Variants in SPATA21 observed in about 807,000 individuals in gnomAD.
SPATA21 encodes spermatogenesis associated 21.
A neutral mutation model predicts 54.8 loss-of-function variants in SPATA21; 47 were observed. The ratio of observed to expected loss-of-function variants is 0.86; its 90% CI spans 0.68 to 1.09. The LOEUF (loss-of-function observed/expected upper bound fraction) is 1.09, where lower values mean the gene tolerates loss of function less well. SPATA21 is among the 50% of genes least tolerant of loss of function. SPATA21 has a pLI of 0.00. For synonymous variants in SPATA21, 245 were observed against 235.3 expected, an observed-to-expected ratio of 1.04 and a Z score of -0.38; for missense variants, 599 against 596.4, an observed-to-expected ratio of 1.00 and a Z score of -0.05.
At chr1:16,405,922 A>G (rs1360502520) in intron 7 of SPATA21, among the ~76,000 whole-genome samples, 2 of 152,198 alleles carry the variant, frequency 1.3e-5, no homozygotes, top group Non-Finnish European at 2.9e-5. Flanking sequence ...AGGAATAAGC[A>G]TTCTACTCTT....
chr1:16,422,824 A>G (rs1434851096), intron 3 of SPATA21, among the ~76,000 whole-genome samples: 1 of 152,058 alleles, frequency 6.6e-6, no homozygotes, highest in Non-Finnish European at 1.5e-5. Flanking sequence ...GGATTTTCCA[A>G]GGGATACTTC....
chr1:16,400,806 G>A lies in SPATA21; in HGVS notation c.1088C>T (p.Pro363Leu), dbSNP rs1481480816. ...AVGRLRLQKL[P>L]YNPQQEESSE... is the part of the protein sequence containing the mutation. ...GCTCTCTTCTTGCTGGGGGTTGTAG[G>A]GAAGCTTCTGCAACCGCAGCCGGCC... Residue 363 changes from proline to leucine, a missense_variant, in exon 11 of 13, where the codon CCC (proline) becomes CTC (leucine). Physicochemically the swap from Pro to Leu is moderately conservative, Grantham distance 98. Transcript: ENST00000335496. 9 of 1,609,754 alleles carry A rather than the reference G, an allele frequency of 5.6e-6. No individual in the cohort carries two copies. In the Admixed American group the frequency reaches 1.5e-4, roughly 27 times the overall value.
rs1421687502 is a variant in SPATA21, at chr1:16,409,231, G to A, written c.588-28C>T. ...GCAGAGGACAGAACCCCGACCCAGG[G>A]CAACATCCGGCCGCCCACCCTGCTG... On this transcript the variant is annotated intron_variant, in intron 6 of 12. Coordinates refer to ENST00000335496, the MANE Select transcript of SPATA21 (RefSeq NM_198546.1). This position sits in a 1 kb window ranked among gnomAD's most constrained non-coding sequence, Gnocchi z 4.1. The A allele has an allele frequency of 1.9e-6, 3 of 1,612,994 alleles. No individual in the cohort carries two copies. The highest frequency in any genetic ancestry group is 1.3e-5 in the African/African-American group (1 of 75,024).
intron 3 of SPATA21, among the ~76,000 whole-genome samples, chr1:16,424,563 A>C (rs1326462448): frequency 6.6e-6 from 1 of 151,824 alleles, no homozygotes; most frequent in Non-Finnish European, 1.5e-5. Flanking sequence ...GGCCACAGAC[A>C]TGTGCCACCA....
intron 1 of SPATA21, among the ~76,000 whole-genome samples, chr1:16,435,260 C>T (rs942070550): frequency 1.3e-5 from 2 of 152,068 alleles, no homozygotes; most frequent in Non-Finnish European, 2.9e-5. Context: ...TGTTGGACAT[C>T]TTCATGTGCT....
At position 16,403,810 on chromosome 1, in the gene SPATA21, G is replaced by A. The variant is rs1402148414; in HGVS notation, c.918C>T (p.Asn306=). Residue 306 remains asparagine, a synonymous_variant, in exon 10 of 13, where the codon AAC becomes AAT. Transcript: ENST00000335496. The stretch of plus-strand genomic sequence containing the variant: ...GGATCTCAAAGAGTAGAGTGTGGGG[G>A]TTGTGGGGAGCCATGTCCGACAGGG... ...QNALSDMAPH[N]PHTLLFEILS... is the part of the protein sequence containing the mutation. 1 of 1,611,328 alleles carries A rather than the reference G, an allele frequency of 6.2e-7. No individual in the cohort carries two copies. Among genetic ancestry groups the A allele is most frequent in the Non-Finnish European group, 8.5e-7 (1 of 1,178,776 alleles).
In SPATA21 at chr1:16,421,433, G is replaced by A; in HGVS notation, c.144+76C>T. On this transcript the variant is annotated intron_variant, in intron 5 of 12. Transcript: ENST00000335496. This position sits in a 1 kb window ranked among gnomAD's most constrained non-coding sequence, Gnocchi z 5.2. ...GGTTTGACGTGCCACATCCGCTTCT[G>A]CCCTCTTCCTCCTCCTGATCCCCCC... is the stretch of plus-strand genomic sequence containing the variant. 7.1e-7 allele frequency: 1 copy of A among 1,408,830 alleles called. No homozygotes were observed. 87.3% of individuals were successfully genotyped at this position (1,408,830 alleles called of 1,614,324 possible).
At chr1:16,425,802 T>G (rs1179852528) in intron 3 of SPATA21, 1 of 1,374,176 alleles carries the variant, frequency 7.3e-7, no homozygotes, top group Non-Finnish European at 9.9e-7. Flanking sequence ...TTTACAGGGC[T>G]AGGCATACCA....
intron 3 of SPATA21, among the ~76,000 whole-genome samples, chr1:16,422,809 T>C (rs929189932): frequency 2.6e-5 from 4 of 151,958 alleles, no homozygotes; most frequent in Non-Finnish European, 4.4e-5. Flanking sequence ...TGCTCAGCCT[T>C]AATGGGATTT....
Position 16,428,006 on chromosome 1 carries a change from G to T in SPATA21, c.34+3332C>A. ...TTGCTGCCCACTTCCGAAGCATCCG[G>T]AAACATGACCTGGACAGAGATATCC... On this transcript the variant is annotated intron_variant, in intron 3 of 12. Coordinates refer to ENST00000335496, the MANE Select transcript of SPATA21 (RefSeq NM_198546.1). The surrounding 1 kb of genome is among the most constrained non-coding windows in gnomAD (Gnocchi z 4.3). The T allele has an allele frequency of 6.5e-7, 1 of 1,548,946 alleles. No individual in the cohort carries two copies. The highest frequency in any genetic ancestry group is 8.7e-7 in the Non-Finnish European group (1 of 1,145,810).
chr1:16,404,204 T>A (rs2085554857), intron 8 of SPATA21, among the ~76,000 whole-genome samples, 165 bp from the exon 9 acceptor site: 2 of 152,198 alleles, frequency 1.3e-5, no homozygotes, highest in Non-Finnish European at 2.9e-5. Flanking sequence ...CTGAAAGTGC[T>A]CAGACCTGTA....
chr1:16,417,791 A>G (rs2086056846), intron 5 of SPATA21, among the ~76,000 whole-genome samples: 1 of 152,002 alleles, frequency 6.6e-6, no homozygotes, highest in Non-Finnish European at 1.5e-5. Flanking sequence ...GTTGGTCTTG[A>G]ACTACTGACC....
chr1:16,409,098 C>T lies in SPATA21; in HGVS notation c.673+20G>A, dbSNP rs527254439. ...AGGGTCCTGCCTGTGCTGGGACCTCCCTGACCTCCCTGCCCTCACCTTCCT... is the reference window on the plus strand; with the variant it reads ...AGGGTCCTGCCTGTGCTGGGACCTCTCTGACCTCCCTGCCCTCACCTTCCT... On this transcript the variant is annotated intron_variant, in intron 7 of 12. Coordinates refer to ENST00000335496, the MANE Select transcript of SPATA21 (RefSeq NM_198546.1). The surrounding 1 kb of genome is among the most constrained non-coding windows in gnomAD (Gnocchi z 4.1). 6.2e-7 allele frequency: 1 copy of T among 1,613,564 alleles called. No homozygotes were observed. The highest frequency in any genetic ancestry group is 8.5e-7 in the Non-Finnish European group (1 of 1,179,522).
chr1:16,399,396 G>C lies in SPATA21; in HGVS notation c.1300C>G (p.Leu434Val), dbSNP rs2085373289. 6.2e-7 allele frequency: 1 copy of C among 1,613,946 alleles called. No homozygotes were observed. Among genetic ancestry groups the C allele is most frequent in the Non-Finnish European group, 8.5e-7 (1 of 1,180,024 alleles). Residue 434 changes from leucine (L) to valine (V), a missense_variant, in exon 12 of 13, where the codon CTG becomes GTG. Coordinates refer to ENST00000335496, the MANE Select transcript of SPATA21 (RefSeq NM_198546.1). Reference protein sequence around the residue: ...YALDQCTPPGLDPDIRSPFFQ... With the variant: ...YALDQCTPPGVDPDIRSPFFQ... ...AAGGGGCTGCGGATGTCAGGATCCA[G>C]GCCAGGGGGTGTGCACTGGTCTAGT...
chr1:16,413,056 A>G (rs936674971), intron 5 of SPATA21, among the ~76,000 whole-genome samples: 17 of 152,348 alleles, frequency 1.1e-4, no homozygotes, highest in African/African-American at 3.8e-4. Flanking sequence ...TGCTGGGATT[A>G]TAGGCGTGAG....
intron 5 of SPATA21, among the ~76,000 whole-genome samples, chr1:16,419,102 T>C (rs2086099223): frequency 6.6e-6 from 1 of 152,162 alleles, no homozygotes; most frequent in Non-Finnish European, 1.5e-5. Context: ...GACAATGTGA[T>C]AGGCTGAGTG....
At chr1:16,398,496 G>A (rs542879322), downstream of SPATA21, 2 of 469,980 alleles carry the variant, frequency 4.3e-6, no homozygotes, top group Non-Finnish European at 3.9e-6. Flanking sequence ...CTTTGAGAAG[G>A]CACAGAAGGT....
At chr1:16,398,523 G>A (rs1390662819), downstream of SPATA21, 17 of 533,930 alleles carry the variant, frequency 3.2e-5, no homozygotes, top group Non-Finnish European at 3.4e-5. Context: ...TGCACGCAGG[G>A]GCACCTGTAG....
chr1:16,428,560 T>A lies in SPATA21; in HGVS notation c.34+2778A>T, dbSNP rs2086378581. On this transcript the variant is annotated intron_variant, in intron 3 of 12. Coordinates refer to ENST00000335496, the MANE Select transcript of SPATA21 (RefSeq NM_198546.1). The surrounding 1 kb of genome is among the most constrained non-coding windows in gnomAD (Gnocchi z 4.3). ...GTGCGCCACCATGCCCAACTAATTTTTTTTTTTTATTTTTTTTGTAGGCCA... is the reference window on the plus strand; with the variant it reads ...GTGCGCCACCATGCCCAACTAATTTATTTTTTTTATTTTTTTTGTAGGCCA... Among the ~76,000 whole-genome samples, 1 of 152,002 alleles carries A rather than the reference T, an allele frequency of 6.6e-6. No individual in the cohort carries two copies. The highest frequency in any genetic ancestry group is 2.1e-4 in the South Asian group (1 of 4,820).
Sources: gnomAD v4.1 joint callset for allele counts (sites outside exome capture counted in the v4.1 genomes callset) on GRCh38, gnomAD v4.1.1 for gene constraint, Gnocchi (gnomAD v3.1) non-coding constraint, MANE v1.5 for transcripts, NCBI Gene and HGNC (gene_info 2026-07-23, HGNC 2026-07-21) for gene names.